Variants in LRRTM4 observed in about 807,000 individuals in gnomAD.
LRRTM4 encodes leucine rich repeat transmembrane neuronal 4.
Under a neutral mutation model 47.6 loss-of-function variants are expected in LRRTM4, and 25 were observed. The ratio of observed to expected loss-of-function variants is 0.53; its 90% CI spans 0.38 to 0.73. The LOEUF (loss-of-function observed/expected upper bound fraction) is 0.73. Among genes scored for constraint, LRRTM4 ranks in the 30% least tolerant of loss-of-function variants. LRRTM4 has a pLI of 0.00. For synonymous variants in LRRTM4, 311 were observed against 269.5 expected, an observed-to-expected ratio of 1.15 and a Z score of -1.51; for missense variants, 638 against 713.4, an observed-to-expected ratio of 0.89 and a Z score of 1.20.
At chr2:77,427,358 A>T (rs999210321) in intron 3 of LRRTM4, among the ~76,000 whole-genome samples, 1 of 152,230 alleles carries the variant, frequency 6.6e-6, no homozygotes, top group African/African-American at 2.4e-5. Flanking sequence ...AAAATAACAA[A>T]TAAGGACTCT....
At chr2:76,932,390 C>CATGTATACATTATGAT (rs1674800067) in intron 3 of LRRTM4, among the ~76,000 whole-genome samples, 1 of 152,170 alleles carries the variant, frequency 6.6e-6, no homozygotes, top group East Asian at 1.9e-4. Flanking sequence ...TAATCTCCAA[C>CATGTATACATTATGAT]ATGTATACAT....
chr2:77,519,422 T>C lies in LRRTM4; in HGVS notation c.447A>G (p.Gln149=). Residue 149 remains glutamine (Q), a synonymous_variant, in exon 3 of 4, where the codon CAA becomes CAG. Coordinates refer to ENST00000409884, the MANE Select transcript of LRRTM4 (RefSeq NM_001134745.3). The surrounding 1 kb of genome is among the most constrained non-coding windows in gnomAD (Gnocchi z 4.6). ...TCCGAAGGCCTTTAAATTGTTCAGA[T>C]TGCAATGTCTGAAGCTTATTGTAGG... ...DLSYNKLQTL[Q]SEQFKGLRKL... is the part of the protein sequence containing the mutation. 1 of 1,613,464 alleles carries C rather than the reference T, an allele frequency of 6.2e-7. No homozygotes were observed. Among genetic ancestry groups the C allele is most frequent in the Non-Finnish European group, 8.5e-7 (1 of 1,179,630 alleles).
At chr2:76,749,376 T>A (rs1558630886) in intron 3 of LRRTM4, among the ~76,000 whole-genome samples, 1 of 152,064 alleles carries the variant, frequency 6.6e-6, no homozygotes, top group Non-Finnish European at 1.5e-5. Flanking sequence ...ATAAATATAT[T>A]TACACTTTTA....
chr2:77,496,366 T>C (rs897728427), intron 3 of LRRTM4, among the ~76,000 whole-genome samples: 1 of 151,856 alleles, frequency 6.6e-6, no homozygotes, highest in Admixed American at 6.6e-5. Flanking sequence ...TATAATGTCA[T>C]ATAGGGTGGT....
At chr2:76,968,343 T>TAC (rs1377024647) in intron 3 of LRRTM4, among the ~76,000 whole-genome samples, 1 of 29,166 alleles carries the variant, frequency 3.4e-5, no homozygotes, top group Non-Finnish European at 6.6e-5. Flanking sequence ...TATGTGTGTA[T>TAC]ATATATATAT....
intron 3 of LRRTM4, among the ~76,000 whole-genome samples, chr2:77,418,926 G>T (rs181427839): frequency 6.6e-6 from 1 of 152,150 alleles, no homozygotes; most frequent in East Asian, 1.9e-4. Context: ...ATTTACTGTG[G>T]CCAACAGACT....
chr2:77,357,737 AT>A (rs555692104), intron 3 of LRRTM4, among the ~76,000 whole-genome samples: 2 of 152,192 alleles, frequency 1.3e-5, no homozygotes, highest in African/African-American at 4.8e-5. Flanking sequence ...GACTTTATAT[AT>A]TTTTTAAGAA....
chr2:76,965,030 T>C (rs987771182), intron 3 of LRRTM4, among the ~76,000 whole-genome samples: 4 of 150,970 alleles, frequency 2.6e-5, no homozygotes, highest in Admixed American at 6.6e-5. Context: ...ATTAATGAAA[T>C]TGAATAAATG....
At chr2:77,482,328 G>A (rs1021262468) in intron 3 of LRRTM4, among the ~76,000 whole-genome samples, 4 of 152,006 alleles carry the variant, frequency 2.6e-5, no homozygotes, top group African/African-American at 9.7e-5. Flanking sequence ...CCCTACATGA[G>A]ATTTTTGAGA....
At chr2:77,221,732 C>T (rs1285222909) in intron 3 of LRRTM4, among the ~76,000 whole-genome samples, 2 of 151,962 alleles carry the variant, frequency 1.3e-5, no homozygotes, top group Non-Finnish European at 2.9e-5. Context: ...TACAAAGAGA[C>T]TTAGACTCCC....
At chr2:76,932,878 G>A (rs1425965158) in intron 3 of LRRTM4, among the ~76,000 whole-genome samples, 2 of 151,890 alleles carry the variant, frequency 1.3e-5, no homozygotes, top group East Asian at 1.9e-4. Flanking sequence ...AAGTTCTGGG[G>A]TACATATGCA....
At chr2:77,181,835 G>C (rs1181167458) in intron 3 of LRRTM4, among the ~76,000 whole-genome samples, 1 of 152,058 alleles carries the variant, frequency 6.6e-6, no homozygotes, top group African/African-American at 2.4e-5. Flanking sequence ...CAACCTCACT[G>C]ATCACTAGAG....
chr2:76,827,550 T>C (rs548331694), intron 3 of LRRTM4, among the ~76,000 whole-genome samples: 12 of 151,904 alleles, frequency 7.9e-5, no homozygotes, highest in Non-Finnish European at 1.6e-4. Context: ...TCTTAATGAA[T>C]TGACATGTAT....
chr2:77,424,951 G>T (rs1675048081), intron 3 of LRRTM4, among the ~76,000 whole-genome samples: 1 of 152,180 alleles, frequency 6.6e-6, no homozygotes, highest in East Asian at 1.9e-4. Context: ...TTTTATTTTA[G>T]ATGCTTGATG....
intron 3 of LRRTM4, among the ~76,000 whole-genome samples, chr2:77,128,133 ACT>A (rs1340558209): frequency 7.9e-6 from 1 of 126,298 alleles, no homozygotes; most frequent in African/African-American, 3.6e-5. Flanking sequence ...ACAGAGCGAG[ACT>A]CTGTCTCAAA....
chr2:77,146,327 C>G (rs1302166447), intron 3 of LRRTM4, among the ~76,000 whole-genome samples: 1 of 152,082 alleles, frequency 6.6e-6, no homozygotes, highest in South Asian at 2.1e-4. Context: ...GTATTTCCAA[C>G]AATCTTAATT....
At chr2:77,388,288 C>A (rs1267082958) in intron 3 of LRRTM4, among the ~76,000 whole-genome samples, 1 of 152,026 alleles carries the variant, frequency 6.6e-6, no homozygotes, top group African/African-American at 2.4e-5. Flanking sequence ...AGTCCAAATC[C>A]CTTTAAGGTC....
chr2:77,391,959 A>G (rs1673522177), intron 3 of LRRTM4, among the ~76,000 whole-genome samples: 1 of 152,030 alleles, frequency 6.6e-6, no homozygotes, highest in Non-Finnish European at 1.5e-5. Context: ...AGATCAAAGT[A>G]TTTTACCCCA....
At chr2:76,779,519 C>T (rs1674228353) in intron 3 of LRRTM4, among the ~76,000 whole-genome samples, 1 of 142,248 alleles carries the variant, frequency 7.0e-6, no homozygotes, top group South Asian at 2.4e-4. Context: ...CATGTAATGG[C>T]CTTCACTGTC....
Sources: allele counts gnomAD v4.1 joint callset (sites outside exome capture counted in the v4.1 genomes callset), GRCh38; gene constraint gnomAD v4.1.1; non-coding constraint Gnocchi (gnomAD v3.1); transcripts MANE v1.5; gene names NCBI Gene and HGNC (gene_info 2026-07-23, HGNC 2026-07-21).